SGO2: variants seen among roughly 807,000 people sequenced by gnomAD.
The protein encoded by SGO2 is shugoshin-like 2.
A neutral mutation model predicts 99.5 loss-of-function variants in SGO2; 68 were observed. That is an observed-to-expected ratio of 0.68 (90% CI 0.56 to 0.84). SGO2 has a LOEUF of 0.84. SGO2 is among the 40% of genes least tolerant of loss of function. The pLI is 0.00. For synonymous variants in SGO2, 457 were observed against 487.1 expected, an observed-to-expected ratio of 0.94 and a Z score of 0.81; for missense variants, 1,350 against 1,436.7, an observed-to-expected ratio of 0.94 and a Z score of 0.97.
chr2:200,580,382 C>T (rs2033802153), intron 8 of SGO2, among the ~76,000 whole-genome samples: 2 of 152,048 alleles, frequency 1.3e-5, no homozygotes, highest in South Asian at 2.1e-4. Context: ...AAAATCAGTA[C>T]TTTGATTTAC....
At chr2:200,556,974 CA>C (rs1173367617) in intron 5 of SGO2, among the ~76,000 whole-genome samples, 2 of 152,062 alleles carry the variant, frequency 1.3e-5, no homozygotes, top group African/African-American at 4.8e-5. Context: ...TTCAGGTGGC[CA>C]TTTGTCAGTT....
Position 200,569,849 on chromosome 2 carries a change from T to C in SGO2, c.660T>C (p.Asp220=). The C allele has an allele frequency of 6.2e-7, 1 of 1,602,166 alleles. No individual in the cohort carries two copies. Among genetic ancestry groups the C allele is most frequent in the Non-Finnish European group, 8.6e-7 (1 of 1,169,380 alleles). Residue 220 remains aspartate (D), a synonymous_variant, in exon 6 of 9, where the codon GAT becomes GAC. Coordinates refer to ENST00000357799, the MANE Select transcript of SGO2 (RefSeq NM_152524.6). The stretch of plus-strand genomic sequence containing the variant: ...ATAATCAAAATGTATATGGTTTAGA[T>C]GATTCAGAACATATTTCTTCTATAG... The part of the protein sequence containing the change: ...KENNQNVYGL[D]DSEHISSIVD...
chr2:200,539,648 G>C (rs1039413755), intron 4 of SGO2, among the ~76,000 whole-genome samples: 2 of 151,708 alleles, frequency 1.3e-5, no homozygotes, highest in African/African-American at 4.8e-5. Flanking sequence ...ATTGTCTTTA[G>C]TTTTGAGAAT....
Position 200,570,736 on chromosome 2 carries a change from G to C in SGO2, c.704-314G>C, listed in dbSNP as rs1298202329. On this transcript the variant is annotated intron_variant, in intron 6 of 8. Coordinates refer to ENST00000357799, the MANE Select transcript of SGO2 (RefSeq NM_152524.6). The surrounding 1 kb of genome is among the most constrained non-coding windows in gnomAD (Gnocchi z 4.4). ...CTATCACTATTATTTGGGTTCATTT[G>C]CTGGCCTCCTTTCACTCTAGAAATG... 6.6e-6 allele frequency among the ~76,000 whole-genome samples: 1 copy of C among 151,532 alleles called. No homozygotes were observed. The highest frequency in any genetic ancestry group is 2.4e-5 in the African/African-American group (1 of 41,266).
At chr2:200,537,349 C>G (rs1437770082) in intron 4 of SGO2, among the ~76,000 whole-genome samples, 1 of 152,148 alleles carries the variant, frequency 6.6e-6, no homozygotes. Flanking sequence ...GCTACTATCT[C>G]AGCTCTCTTC....
At chr2:200,567,824 G>A (rs2577279) in intron 5 of SGO2, among the ~76,000 whole-genome samples, 150,042 of 152,344 alleles carry the variant, frequency 0.98, 73,930 homozygotes, top group Middle Eastern at 1. Context: ...ATTCTGTTGT[G>A]TGGATATACC....
chr2:200,552,874 G>T (rs1194630930), intron 5 of SGO2, among the ~76,000 whole-genome samples: 1 of 152,072 alleles, frequency 6.6e-6, no homozygotes, highest in Admixed American at 6.6e-5. Flanking sequence ...AGCCCAGAAG[G>T]TCTCAGCCTT....
chr2:200,571,619 A>G lies in SGO2; in HGVS notation c.1273A>G (p.Ile425Val). 2 of 1,612,848 alleles carry G rather than the reference A, an allele frequency of 1.2e-6. No homozygotes were observed. Among genetic ancestry groups the G allele is most frequent in the African/African-American group, 2.7e-5 (2 of 74,948 alleles). ...RQFKNSSDVD[I>V]GEKIENRTER... ...GTTTAAAAATAGTTCAGATGTCGAT[A>G]TTGGGGAAAAGATTGAAAACAGGAC... The change falls in exon 7 of 9, where the codon ATT (isoleucine) becomes GTT (valine). Residue 425 changes from isoleucine (I) to valine (V), a missense_variant. By Grantham distance (29) the Ile-to-Val change is conservative (BLOSUM62 3). Transcript: ENST00000357799.
At chr2:200,574,136 G>C (rs997024453) in intron 7 of SGO2, among the ~76,000 whole-genome samples, 159 bp downstream of exon 7, 1 of 152,004 alleles carries the variant, frequency 6.6e-6, no homozygotes, top group Non-Finnish European at 1.5e-5. Flanking sequence ...TAGCATGAAG[G>C]AATAAAGAAA....
chr2:200,573,037 G>T lies in SGO2; in HGVS notation c.2691G>T (p.Glu897Asp). 6.4e-7 allele frequency: 1 copy of T among 1,566,334 alleles called. No individual in the cohort carries two copies. The highest frequency in any genetic ancestry group is 8.6e-7 in the Non-Finnish European group (1 of 1,164,374). The change falls in exon 7 of 9, where the codon GAG becomes GAT. Residue 897 changes from glutamate (E) to aspartate (D), a missense_variant. Physicochemically the swap from Glu to Asp is conservative, Grantham distance 45 (BLOSUM62 2). Transcript: ENST00000357799. The stretch of plus-strand genomic sequence containing the variant: ...ATGTTACTGATAGGAAATCTGCTGA[G>T]CAAAATGAATCAAAAATAAATAAGC... ...KKYVTDRKSA[E>D]QNESKINKLR... is the part of the protein sequence containing the mutation.
Position 200,583,964 on chromosome 2 carries a change from A to G in SGO2, c.*500A>G, listed in dbSNP as rs1056001343. ...GAATGTCAGCTTCTGTATTATTTCT[A>G]TTATATGTAATCTGATGACTTAGAG... On this transcript the variant is annotated 3_prime_UTR_variant, in exon 9 of 9. Coordinates refer to ENST00000357799, the MANE Select transcript of SGO2 (RefSeq NM_152524.6). Among the ~76,000 whole-genome samples, 3 of 152,160 alleles carry G rather than the reference A, an allele frequency of 2.0e-5. No homozygotes were observed. The highest frequency in any genetic ancestry group is 7.2e-5 in the African/African-American group (3 of 41,444).
chr2:200,528,513 C>T (rs113059660), intron 1 of SGO2, among the ~76,000 whole-genome samples: 7 of 152,042 alleles, frequency 4.6e-5, no homozygotes, highest in African/African-American at 1.7e-4. Flanking sequence ...ATTAAGTGAG[C>T]TAGGGAGGAC....
At position 200,572,957 on chromosome 2, in the gene SGO2, G is replaced by A; in HGVS notation, c.2611G>A (p.Asp871Asn). 2.5e-6 allele frequency: 4 copies of A among 1,594,470 alleles called. No homozygotes were observed. The highest frequency in any genetic ancestry group is 3.4e-6 in the Non-Finnish European group (4 of 1,173,772). Residue 871 changes from aspartate to asparagine, a missense_variant, in exon 7 of 9, where the codon GAT (aspartate) becomes AAT (asparagine). Coordinates refer to ENST00000357799, the MANE Select transcript of SGO2 (RefSeq NM_152524.6). Reference sequence around the variant, plus strand: ...TCAAACAGTTGATCTTCTCATCAAAGATAATGGAAATTTATGTGATTATGA... The same window carrying A: ...TCAAACAGTTGATCTTCTCATCAAAAATAATGGAAATTTATGTGATTATGA... The part of the protein sequence containing the change: ...EFQTVDLLIK[D>N]NGNLCDYDTQ...
At chr2:200,566,894 G>A (rs2033211915) in intron 5 of SGO2, among the ~76,000 whole-genome samples, 1 of 152,210 alleles carries the variant, frequency 6.6e-6, no homozygotes, top group Non-Finnish European at 1.5e-5. Flanking sequence ...ATCTCCTGGT[G>A]TGCCATTTGC....
intron 1 of SGO2, among the ~76,000 whole-genome samples, chr2:200,532,655 T>C (rs539370106): frequency 1.3e-5 from 2 of 152,258 alleles, no homozygotes; most frequent in South Asian, 4.1e-4. Flanking sequence ...ACTTCTTACA[T>C]TGTATGAAAA....
At chr2:200,548,724 G>A (rs112200973) in intron 5 of SGO2, among the ~76,000 whole-genome samples, 8 of 151,998 alleles carry the variant, frequency 5.3e-5, no homozygotes, top group African/African-American at 1.9e-4. Context: ...TGAGAGAGAG[G>A]ACTATAATAA....
intron 1 of SGO2, among the ~76,000 whole-genome samples, chr2:200,529,020 A>G (rs926441685): frequency 2.6e-5 from 4 of 152,232 alleles, no homozygotes; most frequent in Non-Finnish European, 2.9e-5. Context: ...AGTGACCTTA[A>G]TGAACAGTTC....
chr2:200,573,786 T>C lies in SGO2; in HGVS notation c.3440T>C (p.Ile1147Thr), dbSNP rs758034230. 1.7e-5 allele frequency: 28 copies of C among 1,612,348 alleles called. No individual in the cohort carries two copies. The Admixed American group carries it at 4.3e-4, about 25-fold the overall frequency. ...TTGTCTGAGATACATTCACCTAACA[T>C]ACAAGATTCTTCCTTTGACAGTGTT... ...RSLSEIHSPN[I>T]QDSSFDSVRE... Residue 1147 changes from isoleucine to threonine, a missense_variant, in exon 7 of 9, where the codon ATA becomes ACA. Transcript: ENST00000357799.
At chr2:200,551,288 TATTC>T (rs924212528) in intron 5 of SGO2, among the ~76,000 whole-genome samples, 34 of 152,164 alleles carry the variant, frequency 2.2e-4, no homozygotes, top group Admixed American at 1.2e-3. Flanking sequence ...AATGGCGTAT[TATTC>T]AGTCATAAAA....
Sources: gnomAD v4.1 joint callset for allele counts (sites outside exome capture counted in the v4.1 genomes callset) on GRCh38, gnomAD v4.1.1 for gene constraint, Gnocchi (gnomAD v3.1) non-coding constraint, MANE v1.5 for transcripts, NCBI Gene and HGNC (gene_info 2026-07-23, HGNC 2026-07-21) for gene names.